ZNF107: variants seen among roughly 807,000 people sequenced by gnomAD.
ZNF107 encodes the protein C2H2 type zinc-finger protein.
A neutral mutation model predicts 12.3 loss-of-function variants in ZNF107; 19 were observed. The ratio of observed to expected loss-of-function variants is 1.55; its 90% CI spans 1.08 to 2.27. ZNF107 has a LOEUF of 2.27. ZNF107 is among the 30% of genes most tolerant of loss of function. The pLI, the probability that ZNF107 is intolerant of heterozygous loss-of-function variation, is 0.00. For synonymous variants in ZNF107, 317 were observed against 330.5 expected (o/e 0.96, Z 0.44); for missense variants, 958 against 979.9 (o/e 0.98, Z 0.30).
intron 3 of ZNF107, among the ~76,000 whole-genome samples, chr7:64,699,853 G>A (rs917190839): frequency 6.6e-6 from 1 of 151,960 alleles, no homozygotes; most frequent in Non-Finnish European, 1.5e-5. Context: ...CGGACCACTA[G>A]GTCAGGAGAT....
At chr7:64,697,344 G>T (rs1355387032) in intron 3 of ZNF107, among the ~76,000 whole-genome samples, 1 of 152,264 alleles carries the variant, frequency 6.6e-6, no homozygotes, top group Non-Finnish European at 1.5e-5. Context: ...GTAATGGGAT[G>T]GCTGGGTCAA....
rs896108843 is a variant in ZNF107 at position 64,705,632 on chromosome 7, G to C, written c.227-692G>C. ...GGCATAGTTGGAAACCATTTGTCTT[G>C]AGTAGTGATTCTGAGAGTCTTTCAG... On this transcript the variant is annotated intron_variant, in intron 3 of 3. Coordinates refer to ENST00000620827, the MANE Select transcript of ZNF107 (RefSeq NM_001282359.2). Among the ~76,000 whole-genome samples, 2 of 150,784 alleles carry C rather than the reference G, an allele frequency of 1.3e-5. 1 individual carries two copies.
At chr7:64,686,473 T>A in intron 1 of ZNF107, 7 of 981,100 alleles carry the variant, frequency 7.1e-6, no homozygotes, top group Non-Finnish European at 8.5e-6. Flanking sequence ...CAATTAGGAG[T>A]CCATGCCGCC....
At position 64,686,968 on chromosome 7, in the gene ZNF107, T is replaced by A. The variant is rs78882978; in HGVS notation, c.4-4280T>A. The A allele has an allele frequency of 6.9e-4, 681 of 985,468 alleles. 8 individuals carry two copies. In the African/African-American group the frequency reaches 0.011, roughly 16 times the overall value. 61.0% of individuals were successfully genotyped at this position (985,468 alleles called of 1,614,324 possible). A position where few individuals can be genotyped will look rare whatever the true frequency, so the allele number is the denominator to read the frequency against. On this transcript the variant is annotated intron_variant, in intron 1 of 3. Transcript: ENST00000620827. The stretch of plus-strand genomic sequence containing the variant: ...CTGCTGAGAATATGCCCCCCGTTAT[T>A]CATAATGCTCATGTTTTTCATACTG...
chr7:64,671,403 A>C (rs944746939), intron 1 of ZNF107, among the ~76,000 whole-genome samples: 1 of 151,968 alleles, frequency 6.6e-6, no homozygotes, highest in African/African-American at 2.4e-5. Flanking sequence ...TTTGCCAAAA[A>C]CCCACCAAAG....
At position 64,677,743 on chromosome 7, in the gene ZNF107, T is replaced by C. The variant is rs896343494; in HGVS notation, c.3+11458T>C. On this transcript the variant is annotated intron_variant, in intron 1 of 3. Coordinates refer to ENST00000620827, the MANE Select transcript of ZNF107 (RefSeq NM_001282359.2). ...AGTGGGTGCCTATAGACCCAGCTACTTGGGAGGCTGAGGCAGGAGAATGGT... is the reference window on the plus strand; with the variant it reads ...AGTGGGTGCCTATAGACCCAGCTACCTGGGAGGCTGAGGCAGGAGAATGGT... Among the ~76,000 whole-genome samples the C allele has an allele frequency of 2.0e-5, 3 of 150,826 alleles. No homozygotes were observed. In the East Asian group the frequency reaches 6.0e-4, roughly 30 times the overall value.
In ZNF107 at chr7:64,709,940, CATAGCAAA is replaced by C. The variant is rs1168707670; in HGVS notation, c.*1286_*1293del. 1 of 287,374 alleles carries C rather than the reference CATAGCAAA, an allele frequency of 3.5e-6. No homozygotes were observed. Among genetic ancestry groups the C allele is most frequent in the Non-Finnish European group, 6.7e-6 (1 of 149,618 alleles). 17.8% of individuals were successfully genotyped at this position (287,374 alleles called of 1,614,324 possible). A position where few individuals can be genotyped will look rare whatever the true frequency, so the allele number is the denominator to read the frequency against. Reference sequence around the variant, plus strand: ...AGGAGTCTGAGACCAGCCTGGCCAACATAGCAAAACCCCATCTCTATTAAAAATTTTAC... The same window carrying C: ...AGGAGTCTGAGACCAGCCTGGCCAACACCCCATCTCTATTAAAAATTTTAC... On this transcript the variant is annotated 3_prime_UTR_variant, in exon 4 of 4. Transcript: ENST00000620827.
intron 3 of ZNF107, among the ~76,000 whole-genome samples, chr7:64,705,100 A>G (rs908529811): frequency 6.6e-6 from 1 of 152,198 alleles, no homozygotes; most frequent in Non-Finnish European, 1.5e-5. Flanking sequence ...TCTGACCTGC[A>G]AAATTTTCTT....
chr7:64,686,771 T>C, intron 1 of ZNF107: 1 of 856,448 alleles, frequency 1.2e-6, no homozygotes. Flanking sequence ...CATGTTGTAA[T>C]TTTCCACCCG....
intron 1 of ZNF107, among the ~76,000 whole-genome samples, chr7:64,677,082 T>G (rs983471641): frequency 6.6e-6 from 1 of 152,146 alleles, no homozygotes; most frequent in African/African-American, 2.4e-5. Flanking sequence ...GACATAGACT[T>G]GTCTCCAGGG....
chr7:64,690,284 T>A, intron 1 of ZNF107: 9 of 839,360 alleles, frequency 1.1e-5, no homozygotes, highest in Non-Finnish European at 1.3e-5. Flanking sequence ...AGGAGATTTG[T>A]TTAAATGGCT....
intron 1 of ZNF107, chr7:64,686,419 C>A: frequency 1.5e-6 from 1 of 650,026 alleles, no homozygotes; most frequent in Non-Finnish European, 1.9e-6. Flanking sequence ...AAATGCTACT[C>A]CTAACTGCCC....
intron 1 of ZNF107, among the ~76,000 whole-genome samples, chr7:64,684,425 C>T (rs774662870): frequency 1.3e-5 from 2 of 152,084 alleles, no homozygotes; most frequent in Non-Finnish European, 2.9e-5. Context: ...TGGACAGGAC[C>T]CTTCCTGGTC....
intron 3 of ZNF107, among the ~76,000 whole-genome samples, chr7:64,694,325 G>C (rs1790216147): frequency 6.6e-6 from 1 of 152,158 alleles, no homozygotes. Context: ...CAAGTTGGGA[G>C]GGCCATTTCC....
chr7:64,673,905 A>G (rs1004689623), intron 1 of ZNF107, among the ~76,000 whole-genome samples: 7 of 152,002 alleles, frequency 4.6e-5, no homozygotes, highest in Non-Finnish European at 1.0e-4. Flanking sequence ...TCTGGGCTCT[A>G]TTGTGTTGCA....
chr7:64,705,451 G>A (rs536896479), intron 3 of ZNF107, among the ~76,000 whole-genome samples: 1 of 151,808 alleles, frequency 6.6e-6, no homozygotes, highest in South Asian at 2.1e-4. Context: ...AAATTAATTT[G>A]TACATTTTTA....
At chr7:64,679,559 G>A (rs1393043309) in intron 1 of ZNF107, among the ~76,000 whole-genome samples, 2 of 152,134 alleles carry the variant, frequency 1.3e-5, no homozygotes, top group South Asian at 2.1e-4. Flanking sequence ...TCTCCTCCTC[G>A]TTTCTCTCTC....
In ZNF107 at chr7:64,708,291, C is replaced by A. The variant is rs1186880763; in HGVS notation, c.2194C>A (p.Pro732Thr). ...RHKIIHTGEK[P>T]YKCKECGKAF... ...TAAGATAATTCATACTGGAGAGAAA[C>A]CTTACAAATGTAAAGAATGTGGCAA... The change falls in exon 4 of 4, where the codon CCT (proline) becomes ACT (threonine). Residue 732 changes from proline (P) to threonine (T), a missense_variant. By Grantham distance (38) the Pro-to-Thr change is conservative. Coordinates refer to ENST00000620827, the MANE Select transcript of ZNF107 (RefSeq NM_001282359.2). The A allele has an allele frequency of 6.2e-7, 1 of 1,613,526 alleles. No individual in the cohort carries two copies. Among genetic ancestry groups the A allele is most frequent in the Non-Finnish European group, 8.5e-7 (1 of 1,179,768 alleles).
rs1789457929 is a variant in ZNF107, at chr7:64,677,440, G to A, written c.3+11155G>A. 2.0e-5 allele frequency among the ~76,000 whole-genome samples: 3 copies of A among 149,442 alleles called. No homozygotes were observed. The South Asian group carries it at 6.4e-4, about 32-fold the overall frequency. On this transcript the variant is annotated intron_variant, in intron 1 of 3. Transcript: ENST00000620827. ...ACCCGCCTTGGCCTCTCAAAGTGCT[G>A]GGATTACAGGCATGAGCCACCGCAC...
Sources: allele counts gnomAD v4.1 joint callset (sites outside exome capture counted in the v4.1 genomes callset), GRCh38; gene constraint gnomAD v4.1.1; transcripts MANE v1.5; gene names NCBI Gene and HGNC (gene_info 2026-07-23, HGNC 2026-07-21).